GRM4: variants seen among roughly 807,000 people sequenced by gnomAD.
The protein encoded by GRM4 is glutamate metabotropic receptor 4, also known as metabotropic glutamate receptor 4.
In GRM4, 28 loss-of-function variants were observed where a neutral mutation model predicts 81.7. The ratio of observed to expected loss-of-function variants is 0.34; its 90% CI spans 0.25 to 0.47. GRM4 has a LOEUF of 0.47. GRM4 is among the 20% of genes least tolerant of loss of function. The pLI, the probability that GRM4 is intolerant of heterozygous loss-of-function variation, is 1.00. For missense variants in GRM4, 948 were observed against 1,290.0 expected, an observed-to-expected ratio of 0.73 and a Z score of 4.06; for synonymous variants, 488 against 528.8, an observed-to-expected ratio of 0.92 and a Z score of 1.06.
rs993255843 is a variant in GRM4 at position 34,036,275 on chromosome 6, T to C, written c.1835A>G (p.Tyr612Cys). The C allele has an allele frequency of 6.2e-7, 1 of 1,614,150 alleles. No homozygotes were observed. Among genetic ancestry groups the C allele is most frequent in the Non-Finnish European group, 8.5e-7 (1 of 1,180,012 alleles). ...TLFVVITFVR[Y>C]NDTPIVKASG... ...GGCCTTGACGATGGGCGTGTCGTTGTAGCGCACAAAGGTGATCACCACGAA... is the reference window on the plus strand; with the variant it reads ...GGCCTTGACGATGGGCGTGTCGTTGCAGCGCACAAAGGTGATCACCACGAA... The change falls in exon 9 of 11, where the codon TAC (tyrosine) becomes TGC (cysteine). Residue 612 changes from tyrosine (Y) to cysteine (C), a missense_variant. Transcript: ENST00000538487. This position sits in a 1 kb window ranked among gnomAD's most constrained non-coding sequence, Gnocchi z 9.0.
At position 34,089,489 on chromosome 6, in the gene GRM4, C is replaced by T. The variant is rs947493733; in HGVS notation, c.736+2394G>A. Among the ~76,000 whole-genome samples the T allele has an allele frequency of 1.3e-5, 2 of 152,016 alleles. No individual in the cohort carries two copies. Among genetic ancestry groups the T allele is most frequent in the African/African-American group, 2.4e-5 (1 of 41,370 alleles). On this transcript the variant is annotated intron_variant, in intron 3 of 10. Coordinates refer to ENST00000538487, the MANE Select transcript of GRM4 (RefSeq NM_000841.4). The surrounding 1 kb of genome is among the most constrained non-coding windows in gnomAD (Gnocchi z 4.3). ...GCCTGAACTGCCCTGGCCAGGCCCC[C>T]GTAGGATGTTGCACACTGGCATGGG... is the stretch of plus-strand genomic sequence containing the variant.
exon 1 of GRM4, chr6:34,155,446 A>C (rs886749933): frequency 5.0e-6 from 6 of 1,193,324 alleles, no homozygotes; most frequent in Non-Finnish European, 6.8e-6. Context: ...GGCGGTTCGC[A>C]ACCTCGACGC....
At position 34,126,552 on chromosome 6, in the gene GRM4, G is replaced by C. The variant is rs374980512; in HGVS notation, c.519+6426C>G. On this transcript the variant is annotated intron_variant, in intron 2 of 10. Transcript: ENST00000538487. ...CCTGAGTCAGTGGGGACCTGGAGAA[G>C]GTGTTTTGAGGGGAAGAAACATATC... is the stretch of plus-strand genomic sequence containing the variant. 8.5e-5 allele frequency among the ~76,000 whole-genome samples: 13 copies of C among 152,304 alleles called. No individual in the cohort carries two copies. In the South Asian group the frequency reaches 2.7e-3, roughly 32 times the overall value.
intron 3 of GRM4, chr6:34,062,439 T>C (rs1766234155): frequency 6.2e-6 from 1 of 162,598 alleles, no homozygotes; most frequent in African/African-American, 2.4e-5. Context: ...GTATTACCTA[T>C]TTCATAGAAC....
rs778783887 is a variant in GRM4, at chr6:34,040,666, G to A, written c.1251C>T (p.Gly417=). Residue 417 remains glycine, a synonymous_variant, in exon 7 of 11, where the codon GGC becomes GGT. Coordinates refer to ENST00000538487, the MANE Select transcript of GRM4 (RefSeq NM_000841.4). The part of the protein sequence containing the change: ...QFVIDAVYAM[G]HALHAMHRDL... ...CACGGTGCATGGCGTGCAGCGCGTG[G>A]CCCATGGCGTACACGGCATCGATCA... The A allele has an allele frequency of 1.2e-6, 2 of 1,613,920 alleles. No individual in the cohort carries two copies. The highest frequency in any genetic ancestry group is 1.7e-6 in the Non-Finnish European group (2 of 1,179,782).
At chr6:34,071,059 AAC>A (rs1766797959) in intron 3 of GRM4, among the ~76,000 whole-genome samples, 1 of 151,626 alleles carries the variant, frequency 6.6e-6, no homozygotes, top group Non-Finnish European at 1.5e-5. Flanking sequence ...GCCTCGCACA[AAC>A]ACACACACTA....
chr6:34,093,431 G>A (rs576886832), intron 2 of GRM4, among the ~76,000 whole-genome samples: 1 of 152,354 alleles, frequency 6.6e-6, no homozygotes, highest in East Asian at 1.9e-4. Flanking sequence ...GATGTCCTAA[G>A]TGCTGAGGAC....
chr6:34,091,843 C>G, intron 3 of GRM4, 40 bp downstream of exon 3: 1 of 1,462,594 alleles, frequency 6.8e-7, no homozygotes, highest in Non-Finnish European at 9.5e-7. Context: ...CGGGACACCC[C>G]CGAGCCTGGC....
intron 3 of GRM4, among the ~76,000 whole-genome samples, chr6:34,072,560 C>A (rs939567547): frequency 5.3e-3 from 802 of 151,078 alleles, no homozygotes; most frequent in Middle Eastern, 0.014. Flanking sequence ...CATCACCACA[C>A]AGATACACAA....
rs556768537 is a variant in GRM4 at position 34,042,345 on chromosome 6, T to C, written c.1169-1597A>G. 1.3e-5 allele frequency among the ~76,000 whole-genome samples: 2 copies of C among 152,234 alleles called. No individual in the cohort carries two copies. Among genetic ancestry groups the C allele is most frequent in the East Asian group, 3.9e-4 (2 of 5,184 alleles). ...GAAAAGCTGATGTGAACCCAGGTAC[T>C]CCAACTCCAACCCTGAGCACCACAC... On this transcript the variant is annotated intron_variant, in intron 6 of 10. Transcript: ENST00000538487. The surrounding 1 kb of genome is among the most constrained non-coding windows in gnomAD (Gnocchi z 4.2).
chr6:34,026,918 G>A (rs1457631272), intron 10 of GRM4, among the ~76,000 whole-genome samples: 1 of 152,248 alleles, frequency 6.6e-6, no homozygotes, highest in African/African-American at 2.4e-5. Flanking sequence ...GACCTGGGAA[G>A]GAAGGTCTCC....
chr6:34,077,906 C>T (rs1307166756), intron 3 of GRM4, among the ~76,000 whole-genome samples: 2 of 152,116 alleles, frequency 1.3e-5, no homozygotes, highest in Non-Finnish European at 2.9e-5. Context: ...ATGAAAGTTA[C>T]GGGACTAGAT....
chr6:34,078,933 C>T lies in GRM4; in HGVS notation c.736+12950G>A, dbSNP rs536585417. On this transcript the variant is annotated intron_variant, in intron 3 of 10. Coordinates refer to ENST00000538487, the MANE Select transcript of GRM4 (RefSeq NM_000841.4). This position sits in a 1 kb window ranked among gnomAD's most constrained non-coding sequence, Gnocchi z 4.8. Reference sequence around the variant, plus strand: ...TGTAAGTGAGGGAGAGAGGAAAGGACGGTCACAACGGGAGGCTGAGAGAGG... The same window carrying T: ...TGTAAGTGAGGGAGAGAGGAAAGGATGGTCACAACGGGAGGCTGAGAGAGG... Among the ~76,000 whole-genome samples the T allele has an allele frequency of 7.2e-5, 11 of 152,314 alleles. No homozygotes were observed. Among genetic ancestry groups the T allele is most frequent in the Admixed American group, 5.9e-4 (9 of 15,300 alleles).
intron 1 of GRM4, among the ~76,000 whole-genome samples, chr6:34,140,288 G>A (rs914816): frequency 6.6e-6 from 1 of 151,948 alleles, no homozygotes; most frequent in Admixed American, 6.6e-5. Context: ...TCGAGAATGA[G>A]CAAGGAGGCC....
intron 2 of GRM4, among the ~76,000 whole-genome samples, chr6:34,094,814 G>A (rs1306146530): frequency 1.3e-5 from 2 of 152,130 alleles, no homozygotes; most frequent in Non-Finnish European, 2.9e-5. Context: ...GGCTCAACCC[G>A]GGCCACACAG....
chr6:34,096,627 G>C (rs1054016207), intron 2 of GRM4, among the ~76,000 whole-genome samples: 4 of 152,224 alleles, frequency 2.6e-5, no homozygotes, highest in African/African-American at 7.2e-5. Flanking sequence ...AGCAGAGACA[G>C]CAGAAAGTGT....
At chr6:34,079,153 A>C (rs939647598) in intron 3 of GRM4, among the ~76,000 whole-genome samples, 1 of 152,346 alleles carries the variant, frequency 6.6e-6, no homozygotes, top group South Asian at 2.1e-4. Flanking sequence ...CATGGACACA[A>C]GGCAAGTCCA....
chr6:34,119,452 C>T (rs1419376421), intron 2 of GRM4, among the ~76,000 whole-genome samples: 3 of 152,158 alleles, frequency 2.0e-5, no homozygotes, highest in Admixed American at 6.5e-5. Context: ...TACATGAGGC[C>T]AGGTCGGGAT....
chr6:34,133,030 G>A lies in GRM4; in HGVS notation c.467C>T (p.Ala156Val). Residue 156 changes from alanine (A) to valine (V), a missense_variant, in exon 2 of 11, where the codon GCT becomes GTT. Ala to Val is a moderately conservative substitution (Grantham distance 64). Transcript: ENST00000538487. The surrounding 1 kb of genome is among the most constrained non-coding windows in gnomAD (Gnocchi z 6.5). ...KPERVVGVIG[A>V]SGSSVSIMVA... ...CATGATGGAGACCGAGCTCCCTGAA[G>A]CACCGATGACACCCACCACACGTTC... is the stretch of plus-strand genomic sequence containing the variant. 6.2e-7 allele frequency: 1 copy of A among 1,613,724 alleles called. No homozygotes were observed. Among genetic ancestry groups the A allele is most frequent in the Non-Finnish European group, 8.5e-7 (1 of 1,179,784 alleles).
Sources: allele counts gnomAD v4.1 joint callset (sites outside exome capture counted in the v4.1 genomes callset), GRCh38; gene constraint gnomAD v4.1.1; non-coding constraint Gnocchi (gnomAD v3.1); transcripts MANE v1.5; gene names NCBI Gene and HGNC (gene_info 2026-07-23, HGNC 2026-07-21).